Variants in PSPC1 observed in about 807,000 individuals in gnomAD.
The protein encoded by PSPC1 is paraspeckle component 1.
A neutral mutation model predicts 51.6 loss-of-function variants in PSPC1; 14 were observed. That is an observed-to-expected ratio of 0.27 (90% CI 0.18 to 0.42). The LOEUF (loss-of-function observed/expected upper bound fraction) is 0.42, where lower values mean the gene tolerates loss of function less well. Ranked by LOEUF, PSPC1 falls within the 10% of genes least tolerant of loss-of-function variation. The pLI, the probability that PSPC1 is intolerant of heterozygous loss-of-function variation, is 1.00. For missense variants in PSPC1, 406 were observed against 701.1 expected (o/e 0.58, Z 4.75); for synonymous variants, 193 against 231.9 (o/e 0.83, Z 1.53).
intron 6 of PSPC1, among the ~76,000 whole-genome samples, chr13:19,681,249 T>C (rs1877240320): frequency 6.6e-6 from 1 of 152,114 alleles, no homozygotes; most frequent in Non-Finnish European, 1.5e-5. Flanking sequence ...AAGATATTTT[T>C]AAATACAGAA....
intron 6 of PSPC1, among the ~76,000 whole-genome samples, chr13:19,728,416 A>G (rs905432552): frequency 4.0e-5 from 6 of 150,630 alleles, no homozygotes; most frequent in Admixed American, 6.6e-5. Flanking sequence ...AAAGCACATA[A>G]GAGGGCCTAA....
chr13:19,748,624 T>C (rs192241443), intron 4 of PSPC1, among the ~76,000 whole-genome samples: 1 of 152,180 alleles, frequency 6.6e-6, no homozygotes, highest in African/African-American at 2.4e-5. Context: ...CTCCCATAAC[T>C]GACATTAAAG....
At position 19,762,585 on chromosome 13, in the gene PSPC1, A is replaced by G. The variant is rs369633853; in HGVS notation, c.675-3167T>C. On this transcript the variant is annotated intron_variant, in intron 2 of 8. Transcript: ENST00000338910. ...AGAAAAAAAGATCAATCACAACCAC[A>G]TTCATCTAATTACACAACATAAAAA... Among the ~76,000 whole-genome samples, 64 of 152,228 alleles carry G rather than the reference A, an allele frequency of 4.2e-4. 1 individual carries two copies. The East Asian group carries it at 0.012, about 29-fold the overall frequency.
chr13:19,727,303 A>G (rs964765816), intron 6 of PSPC1, among the ~76,000 whole-genome samples: 1 of 152,128 alleles, frequency 6.6e-6, no homozygotes, highest in Non-Finnish European at 1.5e-5. Flanking sequence ...CTAAGGCAGG[A>G]GAGTCGCTTG....
At chr13:19,761,007 T>A (rs946815904) in intron 2 of PSPC1, among the ~76,000 whole-genome samples, 2 of 150,232 alleles carry the variant, frequency 1.3e-5, no homozygotes, top group Admixed American at 6.7e-5. Context: ...AAAAAAAAAA[T>A]TTAAAATTAG....
At chr13:19,733,326 C>T (rs1279378058) in intron 5 of PSPC1, among the ~76,000 whole-genome samples, 2 of 152,158 alleles carry the variant, frequency 1.3e-5, no homozygotes, top group Non-Finnish European at 2.9e-5. Context: ...GCTATTACTG[C>T]TTTTAAAAAC....
chr13:19,755,552 C>T (rs1482113071), intron 3 of PSPC1, among the ~76,000 whole-genome samples: 2 of 150,626 alleles, frequency 1.3e-5, no homozygotes, highest in African/African-American at 2.4e-5. Context: ...CGCGCCACTG[C>T]ACTCCAGCCT....
At chr13:19,698,962 G>A (rs983419956), downstream of PSPC1, among the ~76,000 whole-genome samples, 6 of 151,794 alleles carry the variant, frequency 4.0e-5, no homozygotes, top group African/African-American at 1.4e-4. Context: ...AAAAAAAAGT[G>A]TAATCAAATA....
intron 4 of PSPC1, among the ~76,000 whole-genome samples, chr13:19,743,968 C>T (rs964059284): frequency 6.6e-6 from 1 of 151,882 alleles, no homozygotes; most frequent in Non-Finnish European, 1.5e-5. Context: ...ATTAGCCAGG[C>T]GTGGTGGCGC....
At chr13:19,712,710 A>G (rs1310041221) in intron 6 of PSPC1, among the ~76,000 whole-genome samples, 1 of 152,130 alleles carries the variant, frequency 6.6e-6, no homozygotes, top group African/African-American at 2.4e-5. Flanking sequence ...GTATTAAAAT[A>G]CCAATTCATG....
At chr13:19,763,856 G>A (rs1009096955) in intron 2 of PSPC1, among the ~76,000 whole-genome samples, 50 of 151,986 alleles carry the variant, frequency 3.3e-4, no homozygotes, top group African/African-American at 1.1e-3. Context: ...AAAATTGGCC[G>A]GGCATGGTGG....
intron 5 of PSPC1, among the ~76,000 whole-genome samples, chr13:19,731,504 C>G (rs1166091189): frequency 6.6e-6 from 1 of 152,144 alleles, no homozygotes; most frequent in East Asian, 1.9e-4. Context: ...GCCTTGACCT[C>G]CCAGGCTCAA....
In PSPC1 at chr13:19,772,441, T is replaced by C; in HGVS notation, c.475A>G (p.Thr159Ala). 3 of 1,614,238 alleles carry C rather than the reference T, an allele frequency of 1.9e-6. No homozygotes were observed. Among genetic ancestry groups the C allele is most frequent in the Non-Finnish European group, 2.5e-6 (3 of 1,180,048 alleles). ...ACAACTGGAGAAAGGTTCTTGACAG[T>C]CAAGGCTGCTCCATGTGTAGCGAAG... Reference protein sequence around the residue: ...IRFATHGAALTVKNLSPVVSN... With the variant: ...IRFATHGAALAVKNLSPVVSN... Residue 159 changes from threonine (T) to alanine (A), a missense_variant, in exon 2 of 9, where the codon ACT becomes GCT. This residue lies in a region of PSPC1 where 180 missense variants were observed against 337.9 expected (regional missense o/e 0.53). Transcript: ENST00000338910.
At chr13:19,762,452 C>T (rs1341153721) in intron 2 of PSPC1, among the ~76,000 whole-genome samples, 1 of 152,002 alleles carries the variant, frequency 6.6e-6, no homozygotes, top group Non-Finnish European at 1.5e-5. Context: ...CCCAGCTACT[C>T]GGGAGGCTGA....
chr13:19,677,976 A>G, intron 6 of PSPC1: 2 of 334,686 alleles, frequency 6.0e-6, no homozygotes, highest in Non-Finnish European at 1.2e-5. Flanking sequence ...CCATTCAGTA[A>G]GGATTTTCTT....
At chr13:19,756,715 T>C (rs1004720113) in intron 3 of PSPC1, among the ~76,000 whole-genome samples, 6 of 151,676 alleles carry the variant, frequency 4.0e-5, no homozygotes, top group African/African-American at 1.5e-4. Context: ...TAGGCTGGTC[T>C]CAAACTCCTG....
rs1233195363 is a variant in PSPC1, at chr13:19,749,338, G to A, written c.967+1933C>T. Among the ~76,000 whole-genome samples, 7 of 151,626 alleles carry A rather than the reference G, an allele frequency of 4.6e-5. No homozygotes were observed. In the East Asian group the frequency reaches 1.4e-3, roughly 29 times the overall value. On this transcript the variant is annotated intron_variant, in intron 4 of 8. Coordinates refer to ENST00000338910, the MANE Select transcript of PSPC1 (RefSeq NM_001354909.2). ...ACTCCAGCCTGGGCGACAACAGTGAGACTCCATCTCAAATTTTAAAAAAGC... is the reference window on the plus strand; with the variant it reads ...ACTCCAGCCTGGGCGACAACAGTGAAACTCCATCTCAAATTTTAAAAAAGC...
intron 1 of PSPC1, among the ~76,000 whole-genome samples, chr13:19,777,118 TAAAAAAAAAA>T (rs34432573): frequency 1.8e-4 from 16 of 87,386 alleles, no homozygotes; most frequent in Non-Finnish European, 2.5e-4. Flanking sequence ...AGGCTCCATC[TAAAAAAAAAA>T]AAAAAAAAAG....
intron 1 of PSPC1, among the ~76,000 whole-genome samples, chr13:19,779,345 C>T (rs1287956161): frequency 1.7e-5 from 2 of 116,116 alleles, no homozygotes; most frequent in Admixed American, 8.0e-5. Context: ...GTCAGCCCCC[C>T]CGCCCGGCCA....
Sources: allele counts gnomAD v4.1 joint callset (sites outside exome capture counted in the v4.1 genomes callset), GRCh38; gene constraint gnomAD v4.1.1; regional missense constraint gnomAD v4.1.1; transcripts MANE v1.5; gene names NCBI Gene and HGNC (gene_info 2026-07-23, HGNC 2026-07-21).